The following PPP1R9A variants were observed in gnomAD, a reference collection of about 807,000 sequenced individuals.
The protein encoded by PPP1R9A is neurabin-1.
A neutral mutation model predicts 141.9 loss-of-function variants in PPP1R9A; 59 were observed. The observed-to-expected ratio is 0.42, with a 90% CI of 0.34 to 0.52. PPP1R9A has a LOEUF of 0.52. Among genes scored for constraint, PPP1R9A ranks in the 20% least tolerant of loss-of-function variants. The pLI is 0.10. For synonymous variants in PPP1R9A, 500 were observed against 569.7 expected (o/e 0.88, Z 1.74); for missense variants, 1,444 against 1,611.9 (o/e 0.90, Z 1.78).
chr7:95,147,978 A>G (rs374016698), intron 4 of PPP1R9A, among the ~76,000 whole-genome samples: 30 of 152,110 alleles, frequency 2.0e-4, no homozygotes, highest in East Asian at 1.7e-3. Context: ...GTGAAGAGTC[A>G]TTTTTTAGAA....
At chr7:94,978,823 G>A (rs949722359) in intron 2 of PPP1R9A, among the ~76,000 whole-genome samples, 4 of 152,144 alleles carry the variant, frequency 2.6e-5, no homozygotes, top group Admixed American at 2.6e-4. Context: ...GTGAGACACG[G>A]TCTCGCTCTG....
chr7:95,290,472 C>G lies in PPP1R9A; in HGVS notation c.*169C>G, dbSNP rs1806208300. The G allele has an allele frequency of 1.4e-6, 1 of 725,860 alleles. No homozygotes were observed. The highest frequency in any genetic ancestry group is 2.2e-6 in the Non-Finnish European group (1 of 459,076). 45.0% of individuals were successfully genotyped at this position (725,860 alleles called of 1,614,324 possible). On this transcript the variant is annotated 3_prime_UTR_variant, in exon 20 of 20. Transcript: ENST00000433360. ...ACTGCATTTTCTGCAATAGAATGCA[C>G]TCTTAATTTTAACTACTAAAATAAT... is the stretch of plus-strand genomic sequence containing the variant.
intron 19 of PPP1R9A, among the ~76,000 whole-genome samples, chr7:95,289,627 C>T (rs529909221): frequency 1.3e-5 from 2 of 152,274 alleles, no homozygotes; most frequent in South Asian, 4.2e-4. Context: ...ATTCTGGCCC[C>T]AAAGACATTT....
At chr7:95,130,829 CCT>C (rs1824468018) in intron 4 of PPP1R9A, among the ~76,000 whole-genome samples, 3 of 152,134 alleles carry the variant, frequency 2.0e-5, no homozygotes, top group Admixed American at 2.0e-4. Flanking sequence ...GGGACTGTAG[CCT>C]CTTTGTTTTG....
At chr7:94,971,689 C>T (rs895778522) in intron 2 of PPP1R9A, among the ~76,000 whole-genome samples, 17 of 152,022 alleles carry the variant, frequency 1.1e-4, no homozygotes, top group South Asian at 4.1e-4. Flanking sequence ...TGCAGGTCAG[C>T]GGAGAAGCAA....
chr7:95,095,732 A>G (rs954953023), intron 2 of PPP1R9A, among the ~76,000 whole-genome samples: 1 of 152,244 alleles, frequency 6.6e-6, no homozygotes. Flanking sequence ...CATGGATCAC[A>G]GCTGCCCAGA....
intron 2 of PPP1R9A, among the ~76,000 whole-genome samples, chr7:95,074,456 C>CA (rs2152216300): frequency 7.4e-6 from 1 of 135,436 alleles, no homozygotes; most frequent in Admixed American, 7.5e-5. Flanking sequence ...GACTACATTG[C>CA]TTTTTTTTGT....
chr7:95,263,160 C>T (rs1194800975), intron 12 of PPP1R9A, among the ~76,000 whole-genome samples: 1 of 151,966 alleles, frequency 6.6e-6, no homozygotes, highest in Non-Finnish European at 1.5e-5. Flanking sequence ...TCCTAGGACA[C>T]CAGATCTAAT....
At chr7:94,941,209 G>C (rs1224321679) in intron 2 of PPP1R9A, among the ~76,000 whole-genome samples, 3 of 152,144 alleles carry the variant, frequency 2.0e-5, no homozygotes, top group Admixed American at 6.5e-5. Context: ...AGAAGCTGTT[G>C]CAGAGATCAA....
intron 2 of PPP1R9A, among the ~76,000 whole-genome samples, chr7:94,999,947 G>T (rs854728): frequency 0.39 from 59,179 of 151,620 alleles, 12,382 homozygotes; most frequent in Middle Eastern, 0.5. Context: ...GATTACAGGT[G>T]CCTGCCACCA....
At chr7:94,967,718 T>A (rs1798372473) in intron 2 of PPP1R9A, among the ~76,000 whole-genome samples, 1 of 152,080 alleles carries the variant, frequency 6.6e-6, no homozygotes, top group African/African-American at 2.4e-5. Flanking sequence ...CAGTGCAAGC[T>A]CTTGAGTGAG....
intron 2 of PPP1R9A, among the ~76,000 whole-genome samples, chr7:94,918,050 A>T (rs1450292778): frequency 6.6e-6 from 1 of 152,180 alleles, no homozygotes; most frequent in Admixed American, 6.5e-5. Context: ...TTATGCTGTT[A>T]TCTAATTTAC....
intron 16 of PPP1R9A, among the ~76,000 whole-genome samples, chr7:95,282,401 C>T (rs1804433650): frequency 6.6e-6 from 1 of 152,108 alleles, no homozygotes; most frequent in Admixed American, 6.5e-5. Flanking sequence ...TTGACCTCTG[C>T]AGAGGTAATG....
intron 8 of PPP1R9A, among the ~76,000 whole-genome samples, chr7:95,240,075 A>G (rs1797236566): frequency 6.6e-6 from 1 of 152,020 alleles, no homozygotes; most frequent in Non-Finnish European, 1.5e-5. Flanking sequence ...TTCTCAGAGT[A>G]TATCTTTAAG....
chr7:94,959,339 T>A (rs1193042131), intron 2 of PPP1R9A, among the ~76,000 whole-genome samples: 3 of 151,680 alleles, frequency 2.0e-5, no homozygotes, highest in Non-Finnish European at 4.4e-5. Context: ...TTATTTTGAT[T>A]TTAAAAATTA....
intron 2 of PPP1R9A, among the ~76,000 whole-genome samples, chr7:94,991,161 A>G (rs1184936986): frequency 6.6e-6 from 1 of 152,154 alleles, no homozygotes; most frequent in Non-Finnish European, 1.5e-5. Flanking sequence ...ATAGTGTATG[A>G]GTTCCCTTAT....
At chr7:95,055,864 C>T (rs1447627172) in intron 2 of PPP1R9A, among the ~76,000 whole-genome samples, 1 of 152,088 alleles carries the variant, frequency 6.6e-6, no homozygotes, top group African/African-American at 2.4e-5. Flanking sequence ...CTCACATAAA[C>T]CATTGCATAC....
chr7:94,964,721 A>G (rs530421055), intron 2 of PPP1R9A, among the ~76,000 whole-genome samples: 2 of 152,224 alleles, frequency 1.3e-5, no homozygotes, highest in South Asian at 2.1e-4. Flanking sequence ...CAATTTCTCT[A>G]TCCAGTCTGT....
intron 2 of PPP1R9A, among the ~76,000 whole-genome samples, chr7:94,937,215 C>T (rs1330439246): frequency 6.6e-6 from 1 of 152,044 alleles, no homozygotes; most frequent in African/African-American, 2.4e-5. Flanking sequence ...CTGCTCAGAG[C>T]CCTTTCTTGT....
Sources: allele counts gnomAD v4.1 joint callset (sites outside exome capture counted in the v4.1 genomes callset), GRCh38; gene constraint gnomAD v4.1.1; transcripts MANE v1.5; gene names NCBI Gene and HGNC (gene_info 2026-07-23, HGNC 2026-07-21).